Variants in ZAR1L observed in about 807,000 individuals in gnomAD.
The protein encoded by ZAR1L is protein ZAR1-like.
ZAR1L carries 16 observed loss-of-function variants against 30.0 expected under a neutral mutation model. That is an observed-to-expected ratio of 0.53 (90% CI 0.36 to 0.81). The LOEUF is 0.81. Ranked by LOEUF, ZAR1L falls within the 30% of genes least tolerant of loss-of-function variation. The probability of loss-of-function intolerance (pLI) is 0.00; values close to 1 mark genes in which losing one functional copy is unlikely to be tolerated. For missense variants in ZAR1L, 392 were observed against 417.2 expected (o/e 0.94, Z 0.53); for synonymous variants, 197 against 166.8 (o/e 1.18, Z -1.40).
At position 32,308,854 on chromosome 13, in the gene ZAR1L, C is replaced by T. The variant is rs561275749; in HGVS notation, c.748-94G>A. Reference sequence around the variant, plus strand: ...TTCTTAAGTAATCCATTGCATCTTGCTTTTACCAACTTCTACCCTTGCCTT... The same window carrying T: ...TTCTTAAGTAATCCATTGCATCTTGTTTTTACCAACTTCTACCCTTGCCTT... On this transcript the variant is annotated intron_variant, in intron 4 of 5. Coordinates refer to ENST00000533490, the MANE Select transcript of ZAR1L (RefSeq NM_001136571.2). 1.5e-3 allele frequency: 1,172 copies of T among 805,574 alleles called. 1 individual carries two copies. The highest frequency in any genetic ancestry group is 2.3e-3 in the Non-Finnish European group (1,120 of 496,392). 49.9% of individuals were successfully genotyped at this position (805,574 alleles called of 1,614,324 possible). A position where few individuals can be genotyped will look rare whatever the true frequency, so the allele number is the denominator to read the frequency against.
Position 32,311,321 on chromosome 13 carries a change from T to C in ZAR1L, c.605A>G (p.Gln202Arg), listed in dbSNP as rs200536052. 365 of 1,550,532 alleles carry C rather than the reference T, an allele frequency of 2.4e-4. 1 individual carries two copies. The highest frequency in any genetic ancestry group is 6.8e-5 in the Non-Finnish European group (78 of 1,146,926). The change falls in exon 3 of 6, where the codon CAG (glutamine) becomes CGG (arginine). Residue 202 changes from glutamine to arginine, a missense_variant. By Grantham distance (43) the Gln-to-Arg change is conservative. Transcript: ENST00000533490. ...CTCGGAGGCGGCGTCTCCAGGCACC[T>C]GCTTGCTCTTCGTCTCCTGAGGGCA... is the stretch of plus-strand genomic sequence containing the variant. ...APCPQETKSK[Q>R]VPGDAASEPL...
At chr13:32,310,565 A>C (rs1212458313) in intron 4 of ZAR1L, 74 bp downstream of exon 4, 1 of 1,020,960 alleles carries the variant, frequency 9.8e-7, no homozygotes, top group Non-Finnish European at 1.5e-6. Context: ...ATGCTCCCTC[A>C]GGAATCAGAT....
rs369794443 is a variant in ZAR1L, at chr13:32,304,408, G to A, written c.823-386C>T. Among the ~76,000 whole-genome samples, 7 of 152,304 alleles carry A rather than the reference G, an allele frequency of 4.6e-5. No individual in the cohort carries two copies. In the South Asian group the frequency reaches 1.2e-3, roughly 27 times the overall value. ...TATAGCGTTTCTTCACTCTGCAGAT[G>A]TTTAGATTTGTAGGCAGGTCAGGGT... On this transcript the variant is annotated intron_variant, in intron 5 of 5. Coordinates refer to ENST00000533490, the MANE Select transcript of ZAR1L (RefSeq NM_001136571.2).
At chr13:32,311,096 C>T (rs546269474) in intron 3 of ZAR1L, among the ~76,000 whole-genome samples, 176 bp downstream of exon 3, 1 of 152,270 alleles carries the variant, frequency 6.6e-6, no homozygotes, top group South Asian at 2.1e-4. Context: ...ACCTATTTTA[C>T]CCAAAACTTA....
Position 32,308,774 on chromosome 13 carries a change from T to C in ZAR1L, c.748-14A>G, listed in dbSNP as rs1231106345. ...TTTGAAATAAACCTAAAGAGAAATA[T>C]GTTTTTTTTTAATACAAGCTTTTAT... On this transcript the variant is annotated splice_polypyrimidine_tract_variant and intron_variant, in intron 4 of 5. Transcript: ENST00000533490. 2.7e-6 allele frequency: 4 copies of C among 1,498,644 alleles called. No homozygotes were observed. Among genetic ancestry groups the C allele is most frequent in the Non-Finnish European group, 3.6e-6 (4 of 1,112,254 alleles). 92.8% of individuals were successfully genotyped at this position (1,498,644 alleles called of 1,614,324 possible). A position where few individuals can be genotyped will look rare whatever the true frequency, so the allele number is the denominator to read the frequency against.
intron 5 of ZAR1L, among the ~76,000 whole-genome samples, chr13:32,305,122 T>G (rs916113128): frequency 2.6e-5 from 4 of 151,954 alleles, no homozygotes; most frequent in African/African-American, 9.7e-5. Context: ...AGATGTACCT[T>G]TCTATATTGT....
At chr13:32,312,656 T>A (rs950656859) in intron 2 of ZAR1L, among the ~76,000 whole-genome samples, 1 of 152,168 alleles carries the variant, frequency 6.6e-6, no homozygotes, top group African/African-American at 2.4e-5. Flanking sequence ...GGCAGGCAGA[T>A]GACCTAAGGT....
chr13:32,307,497 T>TAAAAAAA (rs1307276148), intron 5 of ZAR1L, among the ~76,000 whole-genome samples: 1 of 25,916 alleles, frequency 3.9e-5, no homozygotes, highest in African/African-American at 2.3e-4. Context: ...AGAGTCTGTC[T>TAAAAAAA]CAAAAAAAAA....
At chr13:32,305,616 A>G (rs1039714990) in intron 5 of ZAR1L, among the ~76,000 whole-genome samples, 10 of 152,224 alleles carry the variant, frequency 6.6e-5, no homozygotes, top group Non-Finnish European at 1.5e-5. Context: ...GAATTCATTT[A>G]ATTCTCACAA....
chr13:32,308,867 C>G, intron 4 of ZAR1L, 107 bp from the exon 5 acceptor site: 1 of 719,952 alleles, frequency 1.4e-6, no homozygotes, highest in Admixed American at 2.5e-5. Flanking sequence ...TTACCAACTT[C>G]TACCCTTGCC....
chr13:32,303,827 C>T lies in ZAR1L; in HGVS notation c.*52G>A. The stretch of plus-strand genomic sequence containing the variant: ...CAAGTTGCAAAAAAGGAAGACAGCA[C>T]AGTAAGTTACAAGAAGAGCTCAGGG... On this transcript the variant is annotated 3_prime_UTR_variant, in exon 6 of 6. Transcript: ENST00000533490. 1 of 1,522,772 alleles carries T rather than the reference C, an allele frequency of 6.6e-7. No homozygotes were observed. Among genetic ancestry groups the T allele is most frequent in the Non-Finnish European group, 8.8e-7 (1 of 1,131,690 alleles). 94.3% of individuals were successfully genotyped at this position (1,522,772 alleles called of 1,614,324 possible).
At chr13:32,305,339 G>T (rs1165201274) in intron 5 of ZAR1L, among the ~76,000 whole-genome samples, 3 of 151,724 alleles carry the variant, frequency 2.0e-5, no homozygotes, top group African/African-American at 7.3e-5. Context: ...CCATTCTCCT[G>T]CCTCAGCCTC....
At chr13:32,304,848 G>A (rs554028327) in intron 5 of ZAR1L, among the ~76,000 whole-genome samples, 384 of 140,098 alleles carry the variant, frequency 2.7e-3, no homozygotes, top group Non-Finnish European at 4.3e-3. Context: ...TCGCTCTGTC[G>A]CCCAGTCTGG....
chr13:32,307,357 G>A (rs1387877893), intron 5 of ZAR1L, among the ~76,000 whole-genome samples: 1 of 151,780 alleles, frequency 6.6e-6, no homozygotes, highest in Non-Finnish European at 1.5e-5. Context: ...AAATTAGCCA[G>A]GCATGGTAGC....
chr13:32,311,882 T>C lies in ZAR1L; in HGVS notation c.44A>G (p.Tyr15Cys), dbSNP rs1316505977. 6.4e-7 allele frequency: 1 copy of C among 1,551,456 alleles called. No homozygotes were observed. The change falls in exon 3 of 6, where the codon TAT becomes TGT. Residue 15 changes from tyrosine (Y) to cysteine (C), a missense_variant. Tyr to Cys is a radical substitution (Grantham distance 194). Coordinates refer to ENST00000533490, the MANE Select transcript of ZAR1L (RefSeq NM_001136571.2). ...CTGGCCCAAAGGCACTGTGCTCCCA[T>C]AACCCTGGTACAAGCCATAGGGAAC... ...VRVPYGLYQG[Y>C]GSTVPLGQPG...
chr13:32,312,768 C>T (rs1422835246), intron 2 of ZAR1L, among the ~76,000 whole-genome samples: 1 of 152,130 alleles, frequency 6.6e-6, no homozygotes, highest in Non-Finnish European at 1.5e-5. Flanking sequence ...ATCCCAGCTA[C>T]TCGGGAGGCT....
intron 4 of ZAR1L, among the ~76,000 whole-genome samples, chr13:32,309,341 A>G (rs559539527): frequency 6.6e-6 from 1 of 152,256 alleles, no homozygotes; most frequent in African/African-American, 2.4e-5. Context: ...AGAACTCCCT[A>G]ATAATGTACA....
intron 5 of ZAR1L, among the ~76,000 whole-genome samples, chr13:32,307,579 T>C (rs1385963529): frequency 3.4e-5 from 5 of 148,470 alleles, no homozygotes. Flanking sequence ...GTTATTTCTA[T>C]GGTAACCATC....
At chr13:32,306,917 C>A (rs2072179544) in intron 5 of ZAR1L, among the ~76,000 whole-genome samples, 3 of 101,312 alleles carry the variant, frequency 3.0e-5, no homozygotes, top group Admixed American at 1.5e-4. Context: ...GGCAATGGAG[C>A]AAGACTCTAT....
Sources: gnomAD v4.1 joint callset for allele counts (sites outside exome capture counted in the v4.1 genomes callset) on GRCh38, gnomAD v4.1.1 for gene constraint, MANE v1.5 for transcripts, NCBI Gene and HGNC (gene_info 2026-07-23, HGNC 2026-07-21) for gene names.